Variants in ZNF407 observed in about 807,000 individuals in gnomAD.
The protein encoded by ZNF407 is zinc finger protein 407.
ZNF407 carries 17 observed loss-of-function variants against 131.2 expected under a neutral mutation model. The observed-to-expected ratio is 0.13, with a 90% CI of 0.09 to 0.19. The LOEUF (loss-of-function observed/expected upper bound fraction) is 0.19, where lower values mean the gene tolerates loss of function less well. ZNF407 is among the 10% of genes least tolerant of loss of function. The probability of loss-of-function intolerance (pLI) is 1.00; values close to 1 mark genes in which losing one functional copy is unlikely to be tolerated. For missense variants in ZNF407, 2,681 were observed against 2,830.6 expected (o/e 0.95, Z 1.20); for synonymous variants, 1,156 against 1,062.0 (o/e 1.09, Z -1.72).
intron 4 of ZNF407, among the ~76,000 whole-genome samples, chr18:74,876,330 A>G (rs1971155518): frequency 6.6e-6 from 1 of 152,222 alleles, no homozygotes; most frequent in South Asian, 2.1e-4. Context: ...TTCTGAATTA[A>G]CTGGAGAGTA....
intron 1 of ZNF407, among the ~76,000 whole-genome samples, chr18:74,626,014 A>G (rs982448534): frequency 6.6e-6 from 1 of 152,272 alleles, no homozygotes; most frequent in Non-Finnish European, 1.5e-5. Context: ...AAGGGAGGAA[A>G]TGTTGGTTAA....
At chr18:74,927,504 T>C (rs1971929532) in intron 8 of ZNF407, among the ~76,000 whole-genome samples, 1 of 152,252 alleles carries the variant, frequency 6.6e-6, no homozygotes, top group East Asian at 1.9e-4. Context: ...CACAGACGGA[T>C]GGATGGAGTC....
intron 8 of ZNF407, among the ~76,000 whole-genome samples, chr18:74,947,867 T>G (rs1369737491): frequency 6.6e-6 from 1 of 152,248 alleles, no homozygotes; most frequent in African/African-American, 2.4e-5. Context: ...ATTTCTTTTC[T>G]CCATTTCTTA....
At chr18:74,816,406 G>T (rs1458864017) in intron 4 of ZNF407, among the ~76,000 whole-genome samples, 1 of 152,122 alleles carries the variant, frequency 6.6e-6, no homozygotes, top group Non-Finnish European at 1.5e-5. Context: ...ATTTTCACTT[G>T]CCCTGTCTAC....
intron 3 of ZNF407, among the ~76,000 whole-genome samples, chr18:74,676,437 ATT>A (rs1178240160): frequency 1.1e-4 from 13 of 119,640 alleles, no homozygotes; most frequent in Non-Finnish European, 1.1e-4. Context: ...GTGATATAGC[ATT>A]TTTTTTTTTT....
chr18:74,615,396 T>C (rs1297377845), intron 1 of ZNF407, among the ~76,000 whole-genome samples: 1 of 152,152 alleles, frequency 6.6e-6, no homozygotes, highest in African/African-American at 2.4e-5. Flanking sequence ...TCCCAGCTAC[T>C]CGGGAGGCTG....
chr18:74,973,571 T>C (rs759412618), intron 8 of ZNF407, among the ~76,000 whole-genome samples: 5 of 152,214 alleles, frequency 3.3e-5, no homozygotes, highest in Non-Finnish European at 7.3e-5. Context: ...AATTATTACA[T>C]ATGGCTAATA....
intron 4 of ZNF407, among the ~76,000 whole-genome samples, chr18:74,809,546 T>C (rs1341249021): frequency 1.3e-5 from 2 of 152,196 alleles, no homozygotes; most frequent in African/African-American, 4.8e-5. Context: ...AGGTAGATGA[T>C]GGGCAAGAAG....
At chr18:74,731,207 G>A (rs1968286491) in intron 3 of ZNF407, among the ~76,000 whole-genome samples, 1 of 152,092 alleles carries the variant, frequency 6.6e-6, no homozygotes, top group Non-Finnish European at 1.5e-5. Flanking sequence ...CAGTGTAAGT[G>A]GAACTGTATA....
chr18:74,606,264 T>G (rs1699258525), intron 1 of ZNF407, among the ~76,000 whole-genome samples: 1 of 152,242 alleles, frequency 6.6e-6, no homozygotes, highest in Non-Finnish European at 1.5e-5. Context: ...TGATTTGTAA[T>G]GAGTTTCAGG....
At chr18:75,029,927 G>A (rs1447595796) in intron 8 of ZNF407, among the ~76,000 whole-genome samples, 1 of 152,220 alleles carries the variant, frequency 6.6e-6, no homozygotes, top group African/African-American at 2.4e-5. Context: ...ACGTTATGAA[G>A]AACGTGTGTG....
At chr18:74,946,581 A>G (rs1972156257) in intron 8 of ZNF407, among the ~76,000 whole-genome samples, 1 of 152,248 alleles carries the variant, frequency 6.6e-6, no homozygotes, top group South Asian at 2.1e-4. Context: ...TTAGTTCAAA[A>G]TCAACAATTA....
chr18:75,034,300 GT>G (rs71170337), intron 8 of ZNF407, among the ~76,000 whole-genome samples: 11,845 of 115,016 alleles, frequency 0.1, 220 homozygotes, highest in South Asian at 0.14. Context: ...TCTGTGTTGG[GT>G]TTTTTTTTTT....
intron 7 of ZNF407, among the ~76,000 whole-genome samples, chr18:74,894,530 A>T (rs1971427809): frequency 1.3e-5 from 2 of 152,156 alleles, no homozygotes; most frequent in Non-Finnish European, 2.9e-5. Flanking sequence ...ATTGAACTAC[A>T]TTGTGTTTCA....
At chr18:74,680,776 A>G (rs1568164029) in intron 3 of ZNF407, among the ~76,000 whole-genome samples, 1 of 152,112 alleles carries the variant, frequency 6.6e-6, no homozygotes, top group Non-Finnish European at 1.5e-5. Context: ...TTATTTCCAG[A>G]ACTAATAAAA....
intron 4 of ZNF407, among the ~76,000 whole-genome samples, chr18:74,871,118 C>T (rs1971080799): frequency 6.6e-6 from 1 of 152,168 alleles, no homozygotes; most frequent in South Asian, 2.1e-4. Context: ...TTTCTAAGCA[C>T]ACGGCGCTCC....
intron 3 of ZNF407, among the ~76,000 whole-genome samples, chr18:74,696,734 A>G (rs1967366938): frequency 6.6e-6 from 1 of 152,120 alleles, no homozygotes; most frequent in Non-Finnish European, 1.5e-5. Flanking sequence ...TGCTGATGAG[A>G]GGCTTTGCAA....
intron 3 of ZNF407, among the ~76,000 whole-genome samples, chr18:74,746,739 T>C (rs1411343792): frequency 6.6e-6 from 1 of 151,906 alleles, no homozygotes; most frequent in African/African-American, 2.4e-5. Flanking sequence ...AATTCCTTCT[T>C]CTGGAAGGCT....
chr18:74,840,004 A>G (rs1026972420), intron 4 of ZNF407, among the ~76,000 whole-genome samples: 1 of 152,130 alleles, frequency 6.6e-6, no homozygotes, highest in African/African-American at 2.4e-5. Context: ...CCCCTTGAAC[A>G]TCATCAGCCC....
Sources: allele counts gnomAD v4.1 joint callset (sites outside exome capture counted in the v4.1 genomes callset), GRCh38; gene constraint gnomAD v4.1.1; transcripts MANE v1.5; gene names NCBI Gene and HGNC (gene_info 2026-07-23, HGNC 2026-07-21).